SCIN: variants seen among roughly 807,000 people sequenced by gnomAD.
SCIN encodes adseverin.
In SCIN, 91 loss-of-function variants were observed where a neutral mutation model predicts 91.8. The observed-to-expected ratio is 0.99, with a 90% CI of 0.84 to 1.18. The LOEUF (loss-of-function observed/expected upper bound fraction) is 1.18, where lower values mean the gene tolerates loss of function less well. Among genes scored for constraint, SCIN ranks in the 50% most tolerant of loss-of-function variants. The pLI is 0.00. For synonymous variants in SCIN, 367 were observed against 312.6 expected (o/e 1.17, Z -1.84); for missense variants, 1,087 against 863.9 (o/e 1.26, Z -3.24).
chr7:12,576,730 TGACCTCA>T (rs11277595), intron 1 of SCIN, among the ~76,000 whole-genome samples: 83,378 of 151,222 alleles, frequency 0.55, 23,465 homozygotes, highest in African/African-American at 0.67. Context: ...AGTTGCTTTA[TGACCTCA>T]GAAAAGTTAC....
intron 4 of SCIN, among the ~76,000 whole-genome samples, chr7:12,610,875 A>G (rs1457765227): frequency 2.6e-5 from 4 of 152,210 alleles, no homozygotes; most frequent in Non-Finnish European, 5.9e-5. Flanking sequence ...ACTCCAAGTG[A>G]AAGTGCTTCA....
At chr7:12,584,672 G>T (rs992234879) in intron 3 of SCIN, among the ~76,000 whole-genome samples, 3 of 152,136 alleles carry the variant, frequency 2.0e-5, no homozygotes. Context: ...AACATGAAAT[G>T]TGGCCAGATC....
chr7:12,575,476 C>T (rs1321066918), intron 1 of SCIN, among the ~76,000 whole-genome samples: 1 of 152,002 alleles, frequency 6.6e-6, no homozygotes, highest in Non-Finnish European at 1.5e-5. Flanking sequence ...GCATTGCTAG[C>T]TCTGTGTTTT....
At chr7:12,622,962 C>A in intron 5 of SCIN, 69 bp downstream of exon 5, 1 of 1,095,922 alleles carries the variant, frequency 9.1e-7, no homozygotes, top group Non-Finnish European at 1.3e-6. Flanking sequence ...CTGTATTGGG[C>A]GGGATTCCCG....
In SCIN at chr7:12,653,001, A is replaced by C. The variant is rs963408049; in HGVS notation, c.*286A>C. ...ACGCCTGTAGTCCCTGCTACTTGGA[A>C]GGCTGAGACAGGAAAATTGCTTGAA... On this transcript the variant is annotated 3_prime_UTR_variant, in exon 16 of 16. Transcript: ENST00000297029. This position sits in a 1 kb window ranked among gnomAD's most constrained non-coding sequence, Gnocchi z 4.1. The C allele has an allele frequency of 2.4e-4, 50 of 204,906 alleles. No homozygotes were observed. Among genetic ancestry groups the C allele is most frequent in the Middle Eastern group, 1.8e-3 (1 of 544 alleles). 12.7% of individuals were successfully genotyped at this position (204,906 alleles called of 1,614,324 possible).
rs116589575 is a variant in SCIN at position 12,641,563 on chromosome 7, C to T, written c.1581+1046C>T. Among the ~76,000 whole-genome samples, 1,394 of 152,234 alleles carry T rather than the reference C, an allele frequency of 9.2e-3. 25 individuals carry two copies. Among genetic ancestry groups the T allele is most frequent in the African/African-American group, 0.032 (1,317 of 41,538 alleles). ...CATTATCTCACTATTTCCATCTCTC[C>T]GGCTTCTCTCTTCCAGCAGTCTTTT... On this transcript the variant is annotated intron_variant, in intron 11 of 15. Coordinates refer to ENST00000297029, the MANE Select transcript of SCIN (RefSeq NM_001112706.3).
chr7:12,577,001 C>T (rs928160134), intron 1 of SCIN, among the ~76,000 whole-genome samples: 3 of 152,058 alleles, frequency 2.0e-5, no homozygotes, highest in Non-Finnish European at 2.9e-5. Flanking sequence ...CCTGACTGTC[C>T]GTACTGTATC....
At position 12,587,901 on chromosome 7, in the gene SCIN, C is replaced by T. The variant is rs767384480; in HGVS notation, c.516+6680C>T. Among the ~76,000 whole-genome samples, 11 of 152,280 alleles carry T rather than the reference C, an allele frequency of 7.2e-5. No individual in the cohort carries two copies. The East Asian group carries it at 1.7e-3, about 24-fold the overall frequency. On this transcript the variant is annotated intron_variant, in intron 3 of 15. Transcript: ENST00000297029. Reference sequence around the variant, plus strand: ...TGTTTCCTGCAAGATACACTCCAGCCCCTAAGACCCACACCGTACTGCTTA... The same window carrying T: ...TGTTTCCTGCAAGATACACTCCAGCTCCTAAGACCCACACCGTACTGCTTA...
intron 13 of SCIN, among the ~76,000 whole-genome samples, chr7:12,647,270 T>C (rs1246340761): frequency 6.6e-6 from 1 of 152,228 alleles, no homozygotes; most frequent in African/African-American, 2.4e-5. Context: ...CTCATTTTCT[T>C]GTTTGATATT....
chr7:12,602,383 T>C (rs567089079), intron 3 of SCIN, among the ~76,000 whole-genome samples: 25 of 152,312 alleles, frequency 1.6e-4, no homozygotes, highest in African/African-American at 5.8e-4. Flanking sequence ...GGGTCTATGT[T>C]CAGCTGTGCA....
intron 9 of SCIN, among the ~76,000 whole-genome samples, chr7:12,632,040 G>A (rs183726755): frequency 1.3e-4 from 20 of 151,012 alleles, no homozygotes; most frequent in African/African-American, 4.4e-4. Flanking sequence ...AGACATTGGG[G>A]GTCACTCAAA....
chr7:12,599,744 T>A (rs1245232966), intron 3 of SCIN, among the ~76,000 whole-genome samples: 1 of 152,124 alleles, frequency 6.6e-6, no homozygotes, highest in Admixed American at 6.5e-5. Context: ...CGCATTGTGA[T>A]TTTGATTTGC....
intron 8 of SCIN, among the ~76,000 whole-genome samples, chr7:12,628,455 T>C (rs1783575187): frequency 6.6e-6 from 1 of 152,146 alleles, no homozygotes. Context: ...TTTTGCTGCA[T>C]CCTCACATGG....
chr7:12,584,849 A>G (rs189893313), intron 3 of SCIN, among the ~76,000 whole-genome samples: 1 of 152,332 alleles, frequency 6.6e-6, no homozygotes, highest in East Asian at 1.9e-4. Flanking sequence ...TAACTGCAGA[A>G]TGTGAATGAT....
At chr7:12,621,712 G>C (rs1285519292) in intron 4 of SCIN, among the ~76,000 whole-genome samples, 1 of 128,634 alleles carries the variant, frequency 7.8e-6, no homozygotes, top group Non-Finnish European at 1.6e-5. Flanking sequence ...CATTTAGCAT[G>C]TACAGTATCT....
At chr7:12,612,148 A>T (rs1467530919) in intron 4 of SCIN, among the ~76,000 whole-genome samples, 1 of 151,964 alleles carries the variant, frequency 6.6e-6, no homozygotes, top group Non-Finnish European at 1.5e-5. Flanking sequence ...TCCTGCTTTT[A>T]TTTTCCTATG....
At chr7:12,590,532 A>G (rs559696505) in intron 3 of SCIN, among the ~76,000 whole-genome samples, 2 of 151,744 alleles carry the variant, frequency 1.3e-5, no homozygotes, top group Non-Finnish European at 2.9e-5. Context: ...TTAGGGGAGG[A>G]CGAGCTTTTG....
chr7:12,638,014 A>C (rs1262640802), intron 10 of SCIN, among the ~76,000 whole-genome samples: 1 of 152,146 alleles, frequency 6.6e-6, no homozygotes, highest in Non-Finnish European at 1.5e-5. Flanking sequence ...GCCTGGTTCA[A>C]TCTTCTGTAC....
Position 12,616,720 on chromosome 7 carries a change from G to A in SCIN, c.667-6081G>A, listed in dbSNP as rs1363638565. On this transcript the variant is annotated intron_variant, in intron 4 of 15. Coordinates refer to ENST00000297029, the MANE Select transcript of SCIN (RefSeq NM_001112706.3). Reference sequence around the variant, plus strand: ...TATCTTGCCTCACCAAAATAAGGTCGTATGTACAAGACTATATGGGAAAAT... The same window carrying A: ...TATCTTGCCTCACCAAAATAAGGTCATATGTACAAGACTATATGGGAAAAT... 3.9e-5 allele frequency among the ~76,000 whole-genome samples: 6 copies of A among 152,092 alleles called. No homozygotes were observed. In the South Asian group the frequency reaches 1.0e-3, roughly 26 times the overall value.
Sources: gnomAD v4.1 joint callset for allele counts (sites outside exome capture counted in the v4.1 genomes callset) on GRCh38, gnomAD v4.1.1 for gene constraint, Gnocchi (gnomAD v3.1) non-coding constraint, MANE v1.5 for transcripts, NCBI Gene and HGNC (gene_info 2026-07-23, HGNC 2026-07-21) for gene names.